Variants in DENND4C observed in about 807,000 individuals in gnomAD.
The protein encoded by DENND4C is DENN domain-containing protein 4C.
In DENND4C, 108 loss-of-function variants were observed where a neutral mutation model predicts 203.0. The ratio of observed to expected loss-of-function variants is 0.53; its 90% CI spans 0.46 to 0.62. DENND4C has a LOEUF of 0.62. DENND4C is among the 20% of genes least tolerant of loss of function. The probability of loss-of-function intolerance (pLI) is 0.00; values close to 1 mark genes in which losing one functional copy is unlikely to be tolerated. For missense variants in DENND4C, 2,481 were observed against 2,301.2 expected (o/e 1.08, Z -1.60); for synonymous variants, 871 against 792.4 (o/e 1.10, Z -1.67).
intron 1 of DENND4C, among the ~76,000 whole-genome samples, chr9:19,255,292 C>G (rs1240966980): frequency 6.6e-6 from 1 of 152,062 alleles, no homozygotes; most frequent in African/African-American, 2.4e-5. Flanking sequence ...GTAGTCCCAG[C>G]TACTCAGGAG....
rs528871157 is a variant in DENND4C, at chr9:19,283,283, C to T, written c.306-3486C>T. Among the ~76,000 whole-genome samples, 9 of 152,222 alleles carry T rather than the reference C, an allele frequency of 5.9e-5. No homozygotes were observed. In the East Asian group the frequency reaches 1.5e-3, roughly 26 times the overall value. On this transcript the variant is annotated intron_variant, in intron 2 of 32. Transcript: ENST00000434457. ...CTGCCTTCCATCGCCACATCTTGTCCCACTGGAAGGTCTTCAGGGCAGTAA... is the reference window on the plus strand; with the variant it reads ...CTGCCTTCCATCGCCACATCTTGTCTCACTGGAAGGTCTTCAGGGCAGTAA...
At chr9:19,359,187 A>G (rs1325091571) in intron 28 of DENND4C, among the ~76,000 whole-genome samples, 2 of 151,874 alleles carry the variant, frequency 1.3e-5, no homozygotes, top group East Asian at 1.9e-4. Context: ...AAGGTCATCA[A>G]TTAATTTGGA....
At chr9:19,283,010 C>T (rs1172852957) in intron 2 of DENND4C, among the ~76,000 whole-genome samples, 2 of 151,940 alleles carry the variant, frequency 1.3e-5, no homozygotes, top group African/African-American at 4.8e-5. Flanking sequence ...TGAGCCACCG[C>T]CTCTGACCAG....
At chr9:19,271,869 CAAAAAAAAA>C (rs200794983) in intron 1 of DENND4C, among the ~76,000 whole-genome samples, 6 of 82,464 alleles carry the variant, frequency 7.3e-5, no homozygotes, top group Non-Finnish European at 1.5e-4. Flanking sequence ...AACTCTGTCT[CAAAAAAAAA>C]AAAAAAAAGA....
At chr9:19,263,378 CAG>C (rs1324246843) in intron 1 of DENND4C, among the ~76,000 whole-genome samples, 2 of 152,052 alleles carry the variant, frequency 1.3e-5, no homozygotes, top group Non-Finnish European at 2.9e-5. Context: ...TTTTTTGAGA[CAG>C]AGTTTCACTC....
At chr9:19,317,804 T>C (rs1842100708) in intron 12 of DENND4C, among the ~76,000 whole-genome samples, 1 of 152,174 alleles carries the variant, frequency 6.6e-6, no homozygotes, top group African/African-American at 2.4e-5. Context: ...TTTGGAAGTT[T>C]TAAGAGTTCA....
chr9:19,250,931 C>G (rs1407052694), intron 1 of DENND4C, among the ~76,000 whole-genome samples: 1 of 152,210 alleles, frequency 6.6e-6, no homozygotes, highest in African/African-American at 2.4e-5. Flanking sequence ...GTGTCTGCAG[C>G]TTTTCCAGGA....
chr9:19,278,074 C>CTTTT (rs34167347), intron 2 of DENND4C, among the ~76,000 whole-genome samples: 1 of 120,300 alleles, frequency 8.3e-6, no homozygotes, highest in Non-Finnish European at 1.8e-5. Context: ...CCTTTTTTTT[C>CTTTT]TTTTTTTTTT....
intron 1 of DENND4C, among the ~76,000 whole-genome samples, chr9:19,245,118 T>G (rs1159252670): frequency 1.3e-5 from 2 of 152,194 alleles, no homozygotes; most frequent in African/African-American, 4.8e-5. Flanking sequence ...TTAAAAAATA[T>G]TGATAGTAGT....
chr9:19,237,717 A>G (rs1042456533), intron 1 of DENND4C, among the ~76,000 whole-genome samples: 1 of 152,086 alleles, frequency 6.6e-6, no homozygotes, highest in Non-Finnish European at 1.5e-5. Context: ...CTCATTTCCA[A>G]TCTGTATGCC....
chr9:19,249,021 C>A (rs540674960), intron 1 of DENND4C, among the ~76,000 whole-genome samples: 2 of 151,992 alleles, frequency 1.3e-5, no homozygotes, highest in South Asian at 4.2e-4. Flanking sequence ...GAACACCTGA[C>A]CTTGGTTGAT....
chr9:19,347,035 C>T lies in DENND4C; in HGVS notation c.4266C>T (p.Ala1422=). The T allele has an allele frequency of 6.2e-7, 1 of 1,614,026 alleles. No individual in the cohort carries two copies. Among genetic ancestry groups the T allele is most frequent in the South Asian group, 1.1e-5 (1 of 91,082 alleles). ...GTATGAAACAAGCAGCGACAGTAGC[C>T]AGTAAGATGTGGGTAGCTGTTGCGT... ...KSGMKQAATV[A]SKMWVAVASA... is the part of the protein sequence containing the mutation. The change falls in exon 23 of 33, where the codon GCC becomes GCT. Residue 1422 remains alanine (A), a synonymous_variant. Coordinates refer to ENST00000434457, the MANE Select transcript of DENND4C (RefSeq NM_001330640.2).
intron 26 of DENND4C, among the ~76,000 whole-genome samples, chr9:19,353,479 T>G (rs747204880): frequency 2.7e-5 from 4 of 150,404 alleles, no homozygotes; most frequent in African/African-American, 7.4e-5. Flanking sequence ...ATACAAAAGA[T>G]TAGCCAGGTG....
chr9:19,244,399 C>A lies in DENND4C; in HGVS notation c.-18+13566C>A, dbSNP rs149571225. The stretch of plus-strand genomic sequence containing the variant: ...GATTACTTGAGTATATTTTAGTATT[C>A]CATTTATCTTCACATTGGCTGATTA... On this transcript the variant is annotated intron_variant, in intron 1 of 32. Coordinates refer to ENST00000434457, the MANE Select transcript of DENND4C (RefSeq NM_001330640.2). Among the ~76,000 whole-genome samples, 17 of 152,004 alleles carry A rather than the reference C, an allele frequency of 1.1e-4. No homozygotes were observed. In the East Asian group the frequency reaches 3.3e-3, roughly 29 times the overall value.
chr9:19,251,836 A>T (rs945151663), intron 1 of DENND4C, among the ~76,000 whole-genome samples: 38 of 152,290 alleles, frequency 2.5e-4, no homozygotes, highest in Admixed American at 5.2e-4. Flanking sequence ...CTTCAGCCTG[A>T]ACTTTATTGT....
At chr9:19,269,655 C>T (rs1367702178) in intron 1 of DENND4C, among the ~76,000 whole-genome samples, 1 of 152,184 alleles carries the variant, frequency 6.6e-6, no homozygotes, top group Admixed American at 6.6e-5. Flanking sequence ...AATTCCTTCT[C>T]TGTATTATCT....
chr9:19,308,430 G>A (rs778424011), intron 10 of DENND4C, among the ~76,000 whole-genome samples: 1 of 152,144 alleles, frequency 6.6e-6, no homozygotes, highest in East Asian at 1.9e-4. Context: ...GCAAATGGAG[G>A]ATTTTCATAT....
intron 26 of DENND4C, among the ~76,000 whole-genome samples, 197 bp from the exon 27 acceptor site, chr9:19,356,773 ATG>A (rs753321782): frequency 1.4e-5 from 2 of 139,844 alleles, no homozygotes; most frequent in African/African-American, 5.5e-5. Context: ...GAGAGCAGGA[ATG>A]TGTGTGTGTG....
intron 1 of DENND4C, among the ~76,000 whole-genome samples, chr9:19,262,657 C>A (rs927878274): frequency 6.6e-6 from 1 of 152,016 alleles, no homozygotes; most frequent in Non-Finnish European, 1.5e-5. Flanking sequence ...GTCTTTAATT[C>A]CTGGCCTCAA....
Sources: allele counts gnomAD v4.1 joint callset (sites outside exome capture counted in the v4.1 genomes callset), GRCh38; gene constraint gnomAD v4.1.1; transcripts MANE v1.5; gene names NCBI Gene and HGNC (gene_info 2026-07-23, HGNC 2026-07-21).